TUSC3: variants seen among roughly 807,000 people sequenced by gnomAD.
The protein encoded by TUSC3 is tumor suppressor candidate 3, also known as dolichyl-diphosphooligosaccharide--protein glycosyltransferase subunit TUSC3.
TUSC3 carries 45 observed loss-of-function variants against 44.8 expected under a neutral mutation model. The observed-to-expected ratio is 1.00, with a 90% CI of 0.79 to 1.29. TUSC3 has a LOEUF of 1.29. Among genes scored for constraint, TUSC3 ranks in the 50% most tolerant of loss-of-function variants. The pLI, the probability that TUSC3 is intolerant of heterozygous loss-of-function variation, is 0.00. For missense variants in TUSC3, 519 were observed against 437.9 expected (o/e 1.19, Z -1.65); for synonymous variants, 212 against 152.9 (o/e 1.39, Z -2.85).
intron 1 of TUSC3, among the ~76,000 whole-genome samples, chr8:15,469,916 C>T (rs1357211868): frequency 6.6e-6 from 1 of 151,990 alleles, no homozygotes; most frequent in Non-Finnish European, 1.5e-5. Context: ...TATATGATTC[C>T]AACTATATGA....
intron 1 of TUSC3, among the ~76,000 whole-genome samples, chr8:15,474,544 C>A (rs545966964): frequency 6.6e-6 from 1 of 152,100 alleles, no homozygotes; most frequent in East Asian, 1.9e-4. Context: ...GTAATTAAAT[C>A]TCACTAGGTG....
chr8:15,648,605 A>C (rs1040445486), intron 2 of TUSC3, among the ~76,000 whole-genome samples: 1 of 151,758 alleles, frequency 6.6e-6, no homozygotes, highest in African/African-American at 2.4e-5. Flanking sequence ...ACACGCCTGT[A>C]GTCCCAGCTA....
intron 1 of TUSC3, among the ~76,000 whole-genome samples, chr8:15,617,136 A>ATT (rs1257975990): frequency 1.2e-4 from 1 of 8,206 alleles, no homozygotes; most frequent in Admixed American, 1.2e-3. Flanking sequence ...GTGTGTGTAT[A>ATT]TATTTTTTTT....
intron 2 of TUSC3, among the ~76,000 whole-genome samples, chr8:15,650,137 T>C (rs1806824708): frequency 6.6e-6 from 1 of 152,166 alleles, no homozygotes; most frequent in African/African-American, 2.4e-5. Context: ...GAGAAATCTT[T>C]GCTTACTGTT....
At chr8:15,745,413 A>T (rs2543152) in intron 8 of TUSC3, among the ~76,000 whole-genome samples, 4 of 152,042 alleles carry the variant, frequency 2.6e-5, no homozygotes, top group East Asian at 3.9e-4. Context: ...GCTCTAATTT[A>T]CATTCCCGAC....
chr8:15,424,172 A>G lies in TUSC3; in HGVS notation n.91+6867A>G, dbSNP rs371644483. Among the ~76,000 whole-genome samples, 7 of 151,506 alleles carry G rather than the reference A, an allele frequency of 4.6e-5. No homozygotes were observed. The East Asian group carries it at 7.9e-4, about 17-fold the overall frequency. Reference sequence around the variant, plus strand: ...CTCAGCAAAGTTTTGTATTTTTAGTATAGAGGGGGTTTCACCATGTTAGCC... The same window carrying G: ...CTCAGCAAAGTTTTGTATTTTTAGTGTAGAGGGGGTTTCACCATGTTAGCC... On this transcript the variant is annotated intron_variant and non_coding_transcript_variant, in intron 1 of 5. Transcript: ENST00000503191.
Position 15,564,427 on chromosome 8 carries a change from G to A in TUSC3, c.138+23859G>A, listed in dbSNP as rs536948102. Among the ~76,000 whole-genome samples, 235 of 152,152 alleles carry A rather than the reference G, an allele frequency of 1.5e-3. 1 individual carries two copies. Among genetic ancestry groups the A allele is most frequent in the Admixed American group, 2.7e-3 (42 of 15,276 alleles). ...AAAATTGTGGAATCCACTGTCTACC[G>A]TATATTATTACTGAATATTATTGAA... On this transcript the variant is annotated intron_variant, in intron 1 of 10. Transcript: ENST00000503731.
intron 6 of TUSC3, among the ~76,000 whole-genome samples, chr8:15,696,121 G>T (rs1041417611): frequency 6.6e-6 from 1 of 152,156 alleles, no homozygotes; most frequent in African/African-American, 2.4e-5. Context: ...AATGTTAAAG[G>T]TCTTCAGGGC....
chr8:15,725,855 C>T (rs1388418404), intron 6 of TUSC3, among the ~76,000 whole-genome samples: 2 of 152,168 alleles, frequency 1.3e-5, no homozygotes, highest in East Asian at 1.9e-4. Context: ...TTGTTTCCTT[C>T]ATGCTGTCAG....
chr8:15,670,235 G>T (rs13439202), intron 5 of TUSC3, among the ~76,000 whole-genome samples: 115 of 151,956 alleles, frequency 7.6e-4, no homozygotes, highest in African/African-American at 2.6e-3. Flanking sequence ...TGAGATTTTA[G>T]CAGAGGGTAA....
chr8:15,702,115 CA>C, intron 6 of TUSC3, among the ~76,000 whole-genome samples: 1 of 152,218 alleles, frequency 6.6e-6, no homozygotes, highest in South Asian at 2.1e-4. Context: ...AGAACGAAAT[CA>C]AGAGAGCCTA....
At chr8:15,717,394 C>T (rs1217181786) in intron 6 of TUSC3, among the ~76,000 whole-genome samples, 1 of 151,984 alleles carries the variant, frequency 6.6e-6, no homozygotes, top group Non-Finnish European at 1.5e-5. Context: ...AACGAAGAGA[C>T]TGCTTTTACT....
intron 2 of TUSC3, among the ~76,000 whole-genome samples, chr8:15,493,697 A>G (rs1354080420): frequency 1.3e-5 from 2 of 152,198 alleles, no homozygotes; most frequent in Non-Finnish European, 2.9e-5. Flanking sequence ...GAACTATCCA[A>G]TTAGAAAAAG....
In TUSC3 at chr8:15,457,875, G is replaced by GAT. The variant is rs1554503404; in HGVS notation, n.92-25509_92-25508dup. On this transcript the variant is annotated intron_variant and non_coding_transcript_variant, in intron 1 of 5. Coordinates refer to the TUSC3 transcript ENST00000503191. ...TAATAATTATCTAATAAATTAATTA[G>GAT]ATAATTACTAATTAATTAATTAGAT... Among the ~76,000 whole-genome samples, 10 of 147,554 alleles carry GAT rather than the reference G, an allele frequency of 6.8e-5. No homozygotes were observed. In the East Asian group the frequency reaches 2.0e-3, roughly 29 times the overall value.
intron 2 of TUSC3, among the ~76,000 whole-genome samples, chr8:15,629,736 TA>T (rs35310787): frequency 0.52 from 75,559 of 144,394 alleles, 19,768 homozygotes; most frequent in East Asian, 0.63. Context: ...TTCTTTTCTT[TA>T]AAAAAAAAAA....
At chr8:15,460,539 C>G (rs1424870822) in intron 1 of TUSC3, among the ~76,000 whole-genome samples, 1 of 152,044 alleles carries the variant, frequency 6.6e-6, no homozygotes, top group Non-Finnish European at 1.5e-5. Context: ...TTAATTATGT[C>G]CCAGCTATTT....
intron 2 of TUSC3, among the ~76,000 whole-genome samples, chr8:15,528,001 T>G (rs1445973151): frequency 6.6e-6 from 1 of 152,220 alleles, no homozygotes; most frequent in East Asian, 1.9e-4. Context: ...AGTCCTGGTT[T>G]TAGCACAGAT....
At chr8:15,753,594 T>TTAG (rs1811798918) in intron 9 of TUSC3, among the ~76,000 whole-genome samples, 1 of 152,120 alleles carries the variant, frequency 6.6e-6, no homozygotes. Context: ...TAAAGTTAAC[T>TTAG]TAGTAATAAT....
chr8:15,575,653 G>T (rs1000912374), intron 1 of TUSC3, among the ~76,000 whole-genome samples: 1 of 152,046 alleles, frequency 6.6e-6, no homozygotes, highest in African/African-American at 2.4e-5. Flanking sequence ...TATAATGCCA[G>T]GTACTCCGGA....
Sources: allele counts gnomAD v4.1 joint callset (sites outside exome capture counted in the v4.1 genomes callset), GRCh38; gene constraint gnomAD v4.1.1; transcripts MANE v1.5; gene names NCBI Gene and HGNC (gene_info 2026-07-23, HGNC 2026-07-21).